Variants in ADCY2 observed in about 807,000 individuals in gnomAD.
The protein encoded by ADCY2 is adenylate cyclase 2.
ADCY2 carries 31 observed loss-of-function variants against 125.2 expected under a neutral mutation model. The ratio of observed to expected loss-of-function variants is 0.25; its 90% CI spans 0.19 to 0.33. The LOEUF (loss-of-function observed/expected upper bound fraction) is 0.33, where lower values mean the gene tolerates loss of function less well. Ranked by LOEUF, ADCY2 falls within the 10% of genes least tolerant of loss-of-function variation. ADCY2 has a pLI of 1.00. For synonymous variants in ADCY2, 512 were observed against 548.4 expected (o/e 0.93, Z 0.93); for missense variants, 904 against 1,418.2 (o/e 0.64, Z 5.82).
At chr5:7,693,435 T>TTTTTTTTTTTTTTTTTTTTTTTG (rs1740784788) in intron 5 of ADCY2, among the ~76,000 whole-genome samples, 1 of 133,298 alleles carries the variant, frequency 7.5e-6, no homozygotes, top group Admixed American at 7.5e-5. Flanking sequence ...TTTTTTTTTT[T>TTTTTTTTTTTTTTTTTTTTTTTG]TGAGACGGAG....
At chr5:7,795,631 A>C (rs951042791) in intron 20 of ADCY2, 1 of 152,162 alleles carries the variant, frequency 6.6e-6, no homozygotes, top group Non-Finnish European at 1.5e-5. Context: ...ATCCATTTCC[A>C]CTAAACTCTT....
At chr5:7,525,196 A>G (rs547346711) in intron 3 of ADCY2, among the ~76,000 whole-genome samples, 61 of 152,254 alleles carry the variant, frequency 4.0e-4, no homozygotes, top group South Asian at 2.3e-3. Flanking sequence ...TAGTGGAGAC[A>G]GGGTTTCACC....
At chr5:7,629,458 A>G (rs1421784648) in intron 4 of ADCY2, among the ~76,000 whole-genome samples, 3 of 152,240 alleles carry the variant, frequency 2.0e-5, no homozygotes, top group African/African-American at 7.2e-5. Context: ...TCTAAAGATT[A>G]AAGCCCATGC....
chr5:7,755,609 A>AG (rs1742968487), intron 15 of ADCY2, among the ~76,000 whole-genome samples: 1 of 152,202 alleles, frequency 6.6e-6, no homozygotes, highest in African/African-American at 2.4e-5. Flanking sequence ...GCAAAGACAG[A>AG]GGAGGCAGGT....
At chr5:7,465,146 A>G (rs1397339625) in intron 2 of ADCY2, among the ~76,000 whole-genome samples, 1 of 152,208 alleles carries the variant, frequency 6.6e-6, no homozygotes, top group East Asian at 1.9e-4. Context: ...AACACGTGGG[A>G]ATTATGGGAG....
chr5:7,747,474 G>A (rs1307198935), intron 15 of ADCY2, among the ~76,000 whole-genome samples: 6 of 152,128 alleles, frequency 3.9e-5, no homozygotes, highest in African/African-American at 1.2e-4. Flanking sequence ...TTCTCAAGCC[G>A]AGTTAGGTGT....
At chr5:7,609,802 C>T (rs954344884) in intron 3 of ADCY2, among the ~76,000 whole-genome samples, 2 of 152,150 alleles carry the variant, frequency 1.3e-5, no homozygotes, top group South Asian at 2.1e-4. Context: ...ATGAGGAAGC[C>T]GTCCTGGAGA....
chr5:7,571,568 A>G (rs541012160), intron 3 of ADCY2, among the ~76,000 whole-genome samples: 2 of 152,218 alleles, frequency 1.3e-5, no homozygotes, highest in African/African-American at 4.8e-5. Flanking sequence ...AATTTTGTAT[A>G]GTTTGTTCTT....
intron 1 of ADCY2, among the ~76,000 whole-genome samples, chr5:7,409,082 A>G (rs972210611): frequency 6.6e-6 from 1 of 152,230 alleles, no homozygotes; most frequent in African/African-American, 2.4e-5. Flanking sequence ...CATTGCAGGG[A>G]CATAGATGGA....
At position 7,772,941 on chromosome 5, in the gene ADCY2, T is replaced by C. The variant is rs1455285873; in HGVS notation, c.2224T>C (p.Tyr742His). Residue 742 changes from tyrosine to histidine, a missense_variant, in exon 18 of 25, where the codon TAC becomes CAC. Physicochemically the swap from Tyr to His is moderately conservative, Grantham distance 83. This residue lies in a region of ADCY2 where 221 missense variants were observed against 246.2 expected (regional missense o/e 0.90). Transcript: ENST00000338316. The part of the protein sequence containing the change: ...QNLFFLPYFI[Y>H]SCILGLISCS... Reference sequence around the variant, plus strand: ...TCCTTCCCTGTTTCAGTACTTTATCTACAGCTGCATTCTGGGACTGATATC... The same window carrying C: ...TCCTTCCCTGTTTCAGTACTTTATCCACAGCTGCATTCTGGGACTGATATC... 1.1e-5 allele frequency: 17 copies of C among 1,614,118 alleles called. No homozygotes were observed. Among genetic ancestry groups the C allele is most frequent in the Non-Finnish European group, 1.4e-5 (16 of 1,179,980 alleles).
chr5:7,811,475 T>TG (rs1744940476), intron 22 of ADCY2, among the ~76,000 whole-genome samples: 1 of 149,878 alleles, frequency 6.7e-6, no homozygotes, highest in Non-Finnish European at 1.5e-5. Flanking sequence ...CACTCCAGCC[T>TG]GGGCAACAGA....
intron 14 of ADCY2, among the ~76,000 whole-genome samples, chr5:7,733,613 C>T (rs1485566960): frequency 1.3e-5 from 2 of 152,110 alleles, no homozygotes; most frequent in Non-Finnish European, 1.5e-5. Flanking sequence ...ATTTATAGAA[C>T]TTCTGTTGAA....
chr5:7,595,829 G>A (rs1245736219), intron 3 of ADCY2, among the ~76,000 whole-genome samples: 5 of 152,106 alleles, frequency 3.3e-5, no homozygotes, highest in African/African-American at 1.2e-4. Flanking sequence ...CATGTAAATA[G>A]TTGGCATACT....
chr5:7,749,403 ATTT>A (rs1268212464), intron 15 of ADCY2, among the ~76,000 whole-genome samples: 1 of 152,182 alleles, frequency 6.6e-6, no homozygotes, highest in Non-Finnish European at 1.5e-5. Flanking sequence ...TTCAGACATT[ATTT>A]TATTTGATAA....
chr5:7,463,490 G>A (rs60349372), intron 2 of ADCY2, among the ~76,000 whole-genome samples: 1,640 of 152,144 alleles, frequency 0.011, 31 homozygotes, highest in African/African-American at 0.038. Context: ...CAAATTCTTT[G>A]CTGTTGGGGC....
intron 3 of ADCY2, among the ~76,000 whole-genome samples, chr5:7,581,218 G>T (rs1736414376): frequency 6.6e-6 from 1 of 152,048 alleles, no homozygotes. Context: ...GTTTAAGATG[G>T]ATATGATAAC....
intron 15 of ADCY2, among the ~76,000 whole-genome samples, chr5:7,754,471 G>A (rs942985075): frequency 4.0e-5 from 6 of 151,892 alleles, no homozygotes; most frequent in African/African-American, 1.5e-4. Context: ...TCTGTGTACA[G>A]AAATTATCAT....
intron 2 of ADCY2, among the ~76,000 whole-genome samples, chr5:7,424,114 G>T (rs1355585882): frequency 6.6e-6 from 1 of 152,204 alleles, no homozygotes; most frequent in Non-Finnish European, 1.5e-5. Flanking sequence ...TTTGCTTGCT[G>T]CTCTGTTCCC....
intron 21 of ADCY2, among the ~76,000 whole-genome samples, chr5:7,804,040 A>AAGAG (rs57193249): frequency 0.014 from 1,449 of 106,584 alleles, 93 homozygotes; most frequent in Middle Eastern, 0.051. Flanking sequence ...GGAGGGGGGA[A>AAGAG]AGAGAGAGAG....
Sources: gnomAD v4.1 joint callset for allele counts (sites outside exome capture counted in the v4.1 genomes callset) on GRCh38, gnomAD v4.1.1 for gene constraint, gnomAD v4.1.1 regional missense constraint, MANE v1.5 for transcripts, NCBI Gene and HGNC (gene_info 2026-07-23, HGNC 2026-07-21) for gene names.